Variants in MBD5 observed in about 807,000 individuals in gnomAD.
MBD5 encodes the protein methyl-CpG binding domain protein 5, also known as methyl-CpG-binding domain protein 5.
In MBD5, 13 loss-of-function variants were observed where a neutral mutation model predicts 117.3. The ratio of observed to expected loss-of-function variants is 0.11; its 90% CI spans 0.07 to 0.18. MBD5 has a LOEUF of 0.18. MBD5 is among the 10% of genes least tolerant of loss of function. The probability of loss-of-function intolerance (pLI) is 1.00; values close to 1 mark genes in which losing one functional copy is unlikely to be tolerated. For missense variants in MBD5, 1,879 were observed against 2,093.8 expected (o/e 0.90, Z 2.00); for synonymous variants, 727 against 766.4 (o/e 0.95, Z 0.85).
At chr2:148,064,901 T>G (rs1451358485) in intron 1 of MBD5, among the ~76,000 whole-genome samples, 1 of 152,176 alleles carries the variant, frequency 6.6e-6, no homozygotes, top group Non-Finnish European at 1.5e-5. Flanking sequence ...TACTTTTATA[T>G]TAATGTATTT....
chr2:148,483,215 C>A lies in MBD5; in HGVS notation c.2624C>A (p.Ala875Asp). The change falls in exon 9 of 14, where the codon GCT becomes GAT. Residue 875 changes from alanine (A) to aspartate (D), a missense_variant. By Grantham distance (126) the Ala-to-Asp change is moderately radical. Transcript: ENST00000642680. ...LQDGVIVTTA[A>D]GNPLQSQLPI... ...GATGGCGTCATAGTCACCACTGCAG[C>A]TGGAAACCCACTGCAGAGTCAGCTA... The A allele has an allele frequency of 6.2e-7, 1 of 1,613,970 alleles. No individual in the cohort carries two copies. The highest frequency in any genetic ancestry group is 1.1e-5 in the South Asian group (1 of 91,066).
At chr2:148,145,645 GT>G (rs1697438820) in intron 1 of MBD5, among the ~76,000 whole-genome samples, 1 of 152,156 alleles carries the variant, frequency 6.6e-6, no homozygotes, top group Non-Finnish European at 1.5e-5. Flanking sequence ...TTTATTGAGA[GT>G]TTTTAGCATG....
intron 2 of MBD5, among the ~76,000 whole-genome samples, chr2:148,203,263 T>C (rs1699188212): frequency 6.6e-6 from 1 of 152,186 alleles, no homozygotes. Context: ...AAGAAGATGC[T>C]GATTTTCTTA....
intron 2 of MBD5, among the ~76,000 whole-genome samples, chr2:148,202,168 T>G (rs1699161994): frequency 6.6e-6 from 1 of 152,196 alleles, no homozygotes; most frequent in African/African-American, 2.4e-5. Flanking sequence ...TACTACCTTA[T>G]TAGGGAAGAC....
intron 4 of MBD5, among the ~76,000 whole-genome samples, chr2:148,363,795 A>G (rs1703614527): frequency 6.6e-6 from 1 of 152,184 alleles, no homozygotes; most frequent in Admixed American, 6.5e-5. Context: ...TAGATTAGAG[A>G]AAAAAGAATG....
chr2:148,311,569 T>C (rs1396929670), intron 3 of MBD5, among the ~76,000 whole-genome samples: 1 of 152,208 alleles, frequency 6.6e-6, no homozygotes, highest in African/African-American at 2.4e-5. Context: ...GTCTCCTGAA[T>C]ACAGCACACT....
intron 4 of MBD5, among the ~76,000 whole-genome samples, chr2:148,398,987 G>T (rs1480907877): frequency 1.3e-5 from 2 of 152,114 alleles, no homozygotes; most frequent in Non-Finnish European, 2.9e-5. Flanking sequence ...ATTTCTGAGG[G>T]CTCTGTTCTG....
intron 4 of MBD5, among the ~76,000 whole-genome samples, chr2:148,440,669 A>G (rs1706291551): frequency 6.6e-6 from 1 of 152,214 alleles, no homozygotes; most frequent in Non-Finnish European, 1.5e-5. Flanking sequence ...GTACCTGACA[A>G]TTTGTTTGGA....
At chr2:148,351,146 T>C (rs1163052697) in intron 4 of MBD5, among the ~76,000 whole-genome samples, 2 of 152,064 alleles carry the variant, frequency 1.3e-5, no homozygotes, top group Non-Finnish European at 2.9e-5. Context: ...CTTTTTTTCA[T>C]TTCAAATATA....
chr2:148,160,516 G>T (rs1406483070), intron 1 of MBD5, among the ~76,000 whole-genome samples: 1 of 152,132 alleles, frequency 6.6e-6, no homozygotes, highest in Non-Finnish European at 1.5e-5. Context: ...GTGCTATAAA[G>T]AACAATCATA....
chr2:148,470,486 C>G, intron 8 of MBD5, 25 bp downstream of exon 8: 2 of 1,547,586 alleles, frequency 1.3e-6, no homozygotes, highest in Non-Finnish European at 1.7e-6. Flanking sequence ...GAAAAAAGTA[C>G]CCAAAGGTAC....
intron 1 of MBD5, among the ~76,000 whole-genome samples, chr2:148,097,328 T>C (rs998599158): frequency 4.6e-5 from 7 of 152,188 alleles, no homozygotes; most frequent in African/African-American, 1.7e-4. Context: ...CAGTGAATAG[T>C]TTCTCAACGC....
chr2:148,097,400 G>A (rs997753840), intron 1 of MBD5, among the ~76,000 whole-genome samples: 1 of 152,164 alleles, frequency 6.6e-6, no homozygotes, highest in Admixed American at 6.5e-5. Flanking sequence ...AGGTAGCAAC[G>A]AGTGTGCTAA....
At chr2:148,369,491 A>G (rs1464978535) in intron 4 of MBD5, among the ~76,000 whole-genome samples, 1 of 152,170 alleles carries the variant, frequency 6.6e-6, no homozygotes, top group East Asian at 1.9e-4. Context: ...GTTTACTCTC[A>G]AAGATTCCAG....
At chr2:148,133,565 T>C (rs1198028168) in intron 1 of MBD5, among the ~76,000 whole-genome samples, 1 of 152,266 alleles carries the variant, frequency 6.6e-6, no homozygotes, top group Admixed American at 6.5e-5. Context: ...GGCTCACGCC[T>C]GTAATCCCAG....
At chr2:148,180,195 T>G (rs891055414) in intron 2 of MBD5, among the ~76,000 whole-genome samples, 1 of 151,404 alleles carries the variant, frequency 6.6e-6, no homozygotes, top group Non-Finnish European at 1.5e-5. Context: ...TACTTATTTC[T>G]AATTCATTTA....
At chr2:148,033,112 G>A (rs1193038136) in intron 1 of MBD5, among the ~76,000 whole-genome samples, 1 of 152,132 alleles carries the variant, frequency 6.6e-6, no homozygotes, top group Non-Finnish European at 1.5e-5. Context: ...GAGTGATAAT[G>A]TCGAGCAAAC....
intron 3 of MBD5, among the ~76,000 whole-genome samples, chr2:148,242,022 T>C (rs574419496): frequency 6.6e-6 from 1 of 152,328 alleles, no homozygotes; most frequent in South Asian, 2.1e-4. Flanking sequence ...GTGTAGTCAC[T>C]TTGACCTAGG....
intron 1 of MBD5, among the ~76,000 whole-genome samples, chr2:148,171,524 G>C (rs1402274789): frequency 6.6e-6 from 1 of 152,118 alleles, no homozygotes; most frequent in Non-Finnish European, 1.5e-5. Context: ...TACTGAATGG[G>C]AAAAGCTGAA....
Sources: allele counts gnomAD v4.1 joint callset (sites outside exome capture counted in the v4.1 genomes callset), GRCh38; gene constraint gnomAD v4.1.1; transcripts MANE v1.5; gene names NCBI Gene and HGNC (gene_info 2026-07-23, HGNC 2026-07-21).